Variants in ACRV1 observed in about 807,000 individuals in gnomAD.
ACRV1 encodes acrosomal protein SP-10.
In ACRV1, 17 loss-of-function variants were observed where a neutral mutation model predicts 29.2. The ratio of observed to expected loss-of-function variants is 0.58; its 90% CI spans 0.40 to 0.87. The LOEUF is 0.87. Among genes scored for constraint, ACRV1 ranks in the 40% least tolerant of loss-of-function variants. The pLI is 0.00. For missense variants in ACRV1, 294 were observed against 316.0 expected, an observed-to-expected ratio of 0.93 and a Z score of 0.53; for synonymous variants, 98 against 111.6, an observed-to-expected ratio of 0.88 and a Z score of 0.77.
At chr11:125,672,847 C>T in intron 3 of ACRV1, 130 bp from the exon 4 acceptor site, 1 of 1,147,456 alleles carries the variant, frequency 8.7e-7, no homozygotes. Context: ...TTCTCTTTCT[C>T]TTCTATTTGC....
chr11:125,675,038 T>G (rs1470792173), intron 3 of ACRV1, among the ~76,000 whole-genome samples: 1 of 152,236 alleles, frequency 6.6e-6, no homozygotes, highest in Non-Finnish European at 1.5e-5. Context: ...CTCTTTAATC[T>G]TGACTGCACA....
chr11:125,679,933 C>T (rs1942718445), intron 1 of ACRV1, among the ~76,000 whole-genome samples: 1 of 152,046 alleles, frequency 6.6e-6, no homozygotes, highest in South Asian at 2.1e-4. Flanking sequence ...ATAATTAACA[C>T]AAGTTTTGAT....
At chr11:125,674,739 C>T (rs1429609924) in intron 3 of ACRV1, among the ~76,000 whole-genome samples, 2 of 152,156 alleles carry the variant, frequency 1.3e-5, no homozygotes, top group Admixed American at 6.5e-5. Flanking sequence ...CAAGCTCCTA[C>T]TTTGTGAGGA....
In ACRV1 at chr11:125,680,741, C is replaced by G. The variant is rs781159481; in HGVS notation, c.40G>C (p.Gly14Arg). Residue 14 changes from glycine (G) to arginine (R), a missense_variant, in exon 1 of 4, where the codon GGA becomes CGA. Transcript: ENST00000533904. ...ATCAAACACTCACCTCTGGCAGATC[C>G]AAGCAGATAAAGACTCATTAGCAAG... ...FLLLMSLYLL[G>R]SARGTSSQPN... The G allele has an allele frequency of 1.7e-5, 27 of 1,613,696 alleles. No individual in the cohort carries two copies. Among genetic ancestry groups the G allele is most frequent in the Non-Finnish European group, 2.3e-5 (27 of 1,179,772 alleles).
Position 125,678,978 on chromosome 11 carries a change from TTATATATA to T in ACRV1, c.53-689_53-682del, listed in dbSNP as rs10522682. On this transcript the variant is annotated intron_variant, in intron 1 of 3. Coordinates refer to ENST00000533904, the MANE Select transcript of ACRV1 (RefSeq NM_001612.6). ...GTAAAAAAAAAAAAGTCTAGGCATA[TTATATATA>T]TATATATATATAGACACACACACAT... Among the ~76,000 whole-genome samples the T allele has an allele frequency of 1.6e-4, 14 of 88,444 alleles. No homozygotes were observed. In the East Asian group the frequency reaches 3.3e-3, roughly 21 times the overall value. 58.0% of individuals were successfully genotyped at this position (88,444 alleles called of 152,430 possible).
At position 125,678,176 on chromosome 11, in the gene ACRV1, A is replaced by C. The variant is rs1367278502; in HGVS notation, c.174T>G (p.Thr58=). ...NPSDAEALYE[T]SSGLNTLSEH... ...CACTTAAAGTGTTCAGGCCTGAAGA[A>C]GTCTCATATAAAGCCTCAGCATCAG... The change falls in exon 2 of 4, where the codon ACT becomes ACG. Residue 58 remains threonine (T), a synonymous_variant. Transcript: ENST00000533904. The C allele has an allele frequency of 3.7e-6, 6 of 1,614,098 alleles. No homozygotes were observed. In the African/African-American group the frequency reaches 5.3e-5, roughly 14 times the overall value.
At chr11:125,674,577 C>T (rs529811737) in intron 3 of ACRV1, among the ~76,000 whole-genome samples, 1 of 152,244 alleles carries the variant, frequency 6.6e-6, no homozygotes, top group African/African-American at 2.4e-5. Context: ...TCAGTCACTC[C>T]TATTACCTTT....
intron 3 of ACRV1, 63 bp downstream of exon 3, chr11:125,676,296 C>T: frequency 6.3e-7 from 1 of 1,589,608 alleles, no homozygotes; most frequent in Non-Finnish European, 8.6e-7. Context: ...TTCCAACTGC[C>T]CCCTACCAGA....
Position 125,672,706 on chromosome 11 carries a change from G to C in ACRV1, c.685C>G (p.Gln229Glu). The C allele has an allele frequency of 1.2e-6, 2 of 1,614,078 alleles. No individual in the cohort carries two copies. The highest frequency in any genetic ancestry group is 4.5e-5 in the East Asian group (2 of 44,868). The change falls in exon 4 of 4, where the codon CAA (glutamine) becomes GAA (glutamate). Residue 229 changes from glutamine to glutamate, a missense_variant. Coordinates refer to ENST00000533904, the MANE Select transcript of ACRV1 (RefSeq NM_001612.6). ...LKKIFEGGKL[Q>E]FMVQGCENMC... The stretch of plus-strand genomic sequence containing the variant: ...TTCTCACACCCTTGAACCATGAATT[G>C]GAGTTTTCCACCTGAAAGGAGCAGA...
chr11:125,677,866 C>T lies in ACRV1; in HGVS notation c.484G>A (p.Glu162Lys). 1 of 1,614,020 alleles carries T rather than the reference C, an allele frequency of 6.2e-7. No individual in the cohort carries two copies. Among genetic ancestry groups the T allele is most frequent in the Non-Finnish European group, 8.5e-7 (1 of 1,180,002 alleles). ...GAAGCGTGCTCACCTGAAGGCTGTTCACCCGAGGCCTGCTCACCAGAAGGC... is the reference window on the plus strand; with the variant it reads ...GAAGCGTGCTCACCTGAAGGCTGTTTACCCGAGGCCTGCTCACCAGAAGGC... ...EQPSGEQASG[E>K]QPSGEHASGE... The change falls in exon 2 of 4, where the codon GAA becomes AAA. Residue 162 changes from glutamate to lysine, a missense_variant. Transcript: ENST00000533904.
intron 1 of ACRV1, among the ~76,000 whole-genome samples, chr11:125,679,170 G>A (rs955407376): frequency 2.1e-5 from 3 of 144,188 alleles, no homozygotes; most frequent in African/African-American, 7.7e-5. Context: ...CTCTTACATG[G>A]TTATTTTTTT....
At chr11:125,679,164 T>TA (rs1160145317) in intron 1 of ACRV1, among the ~76,000 whole-genome samples, 2 of 150,284 alleles carry the variant, frequency 1.3e-5, no homozygotes, top group Non-Finnish European at 1.5e-5. Context: ...ACAAAACTCT[T>TA]ACATGGTTAT....
chr11:125,680,793 A>G lies in ACRV1; in HGVS notation c.-13T>C. On this transcript the variant is annotated 5_prime_UTR_variant, in exon 1 of 4. Coordinates refer to ENST00000533904, the MANE Select transcript of ACRV1 (RefSeq NM_001612.6). ...GAAACCTGTTCATCTGGATTTAGGA[A>G]AAGAGGGGACCCCAGTGTGGGCCAC... 6.2e-7 allele frequency: 1 copy of G among 1,613,132 alleles called. No homozygotes were observed. Among genetic ancestry groups the G allele is most frequent in the Non-Finnish European group, 8.5e-7 (1 of 1,179,210 alleles).
rs148140045 is a variant in ACRV1, at chr11:125,675,359, T to C, written c.673+1000A>G. 2.3e-4 allele frequency among the ~76,000 whole-genome samples: 35 copies of C among 150,990 alleles called. No individual in the cohort carries two copies. In the East Asian group the frequency reaches 5.0e-3, roughly 22 times the overall value. On this transcript the variant is annotated intron_variant, in intron 3 of 3. Transcript: ENST00000533904. ...CCTTGTGATATTGTTTCTTATTTCT[T>C]ACATTATAACATAATCTCTTTGTAC...
In ACRV1 at chr11:125,677,950, C is replaced by T; in HGVS notation, c.400G>A (p.Glu134Lys). The change falls in exon 2 of 4, where the codon GAG (glutamate) becomes AAG (lysine). Residue 134 changes from glutamate (E) to lysine (K), a missense_variant. Coordinates refer to ENST00000533904, the MANE Select transcript of ACRV1 (RefSeq NM_001612.6). ...TCATCTGAAGGCTGTTCACCTGACT[C>T]AAGCTCACTCAAAGGCTGTTCTCCG... is the stretch of plus-strand genomic sequence containing the variant. ...LSGEQPLSEL[E>K]SGEQPSDEQP... 3.7e-6 allele frequency: 6 copies of T among 1,612,416 alleles called. No individual in the cohort carries two copies. Among genetic ancestry groups the T allele is most frequent in the Non-Finnish European group, 5.1e-6 (6 of 1,178,720 alleles).
intron 2 of ACRV1, 103 bp from the exon 3 acceptor site, chr11:125,676,581 A>G (rs1259348297): frequency 3.8e-5 from 54 of 1,407,276 alleles, no homozygotes; most frequent in Middle Eastern, 2.0e-4. Flanking sequence ...CATGGATACT[A>G]CACATTTATT....
At chr11:125,677,661 G>T in intron 2 of ACRV1, 136 bp downstream of exon 2, 1 of 1,211,362 alleles carries the variant, frequency 8.3e-7, no homozygotes. Flanking sequence ...GAGAACTAGA[G>T]AGACTTTGAG....
Position 125,680,591 on chromosome 11 carries a change from T to C in ACRV1, c.52+138A>G. On this transcript the variant is annotated intron_variant, in intron 1 of 3. Transcript: ENST00000533904. The stretch of plus-strand genomic sequence containing the variant: ...TCAACTGGTTCAGGAGCTCTCCGAG[T>C]TGGACTTGTTTAGCTGCTCTTGATT... 6.9e-6 allele frequency: 5 copies of C among 724,086 alleles called. No homozygotes were observed. In the South Asian group the frequency reaches 9.1e-5, roughly 13 times the overall value. The allele number at this position is 724,086 out of a possible 1,614,324, so 44.9% of individuals were successfully genotyped here.
At position 125,671,546 on chromosome 11, in the gene ACRV1, T is replaced by C. The variant is rs1014043770; in HGVS notation, c.*1047A>G. On this transcript the variant is annotated 3_prime_UTR_variant, in exon 4 of 4. Transcript: ENST00000533904. ...TCATGATGTGTATATATGTTGAAAT[T>C]TTAAATTTTATATACAGTAAAATTG... is the stretch of plus-strand genomic sequence containing the variant. 2.6e-5 allele frequency: 4 copies of C among 152,312 alleles called. No homozygotes were observed. Among genetic ancestry groups the C allele is most frequent in the African/African-American group, 9.6e-5 (4 of 41,570 alleles). The allele number at this position is 152,312 out of a possible 1,614,324, so 9.4% of individuals were successfully genotyped here. A position where few individuals can be genotyped will look rare whatever the true frequency, so the allele number is the denominator to read the frequency against.
Sources: gnomAD v4.1 joint callset for allele counts (sites outside exome capture counted in the v4.1 genomes callset) on GRCh38, gnomAD v4.1.1 for gene constraint, MANE v1.5 for transcripts, NCBI Gene and HGNC (gene_info 2026-07-23, HGNC 2026-07-21) for gene names.